SGCZ: variants seen among roughly 807,000 people sequenced by gnomAD.
SGCZ encodes sarcoglycan zeta, also known as zeta-sarcoglycan.
SGCZ carries 40 observed loss-of-function variants against 41.3 expected under a neutral mutation model. The ratio of observed to expected loss-of-function variants is 0.97; its 90% CI spans 0.75 to 1.26. The LOEUF (loss-of-function observed/expected upper bound fraction) is 1.26. SGCZ is among the 50% of genes most tolerant of loss of function. The probability of loss-of-function intolerance (pLI) is 0.00; values close to 1 mark genes in which losing one functional copy is unlikely to be tolerated. For synonymous variants in SGCZ, 206 were observed against 137.5 expected, an observed-to-expected ratio of 1.50 and a Z score of -3.49; for missense variants, 552 against 369.8, an observed-to-expected ratio of 1.49 and a Z score of -4.04.
chr8:14,201,946 T>G (rs111288946), intron 4 of SGCZ, among the ~76,000 whole-genome samples: 1 of 152,190 alleles, frequency 6.6e-6, no homozygotes, highest in African/African-American at 2.4e-5. Context: ...TGAAAATATA[T>G]GTAAGACTTA....
chr8:14,844,609 G>A (rs912467943), intron 1 of SGCZ, among the ~76,000 whole-genome samples: 8 of 152,150 alleles, frequency 5.3e-5, no homozygotes, highest in Non-Finnish European at 7.3e-5. Context: ...GTCCTAACAT[G>A]AGGAGATTTG....
intron 2 of SGCZ, among the ~76,000 whole-genome samples, chr8:14,434,133 T>C (rs1424475976): frequency 1.3e-5 from 2 of 152,226 alleles, no homozygotes; most frequent in African/African-American, 2.4e-5. Flanking sequence ...CCATCTTGAG[T>C]TGATTTTTGC....
intron 2 of SGCZ, among the ~76,000 whole-genome samples, chr8:14,431,358 C>A (rs1250020737): frequency 6.6e-6 from 1 of 152,110 alleles, no homozygotes. Flanking sequence ...ACCAAAGGAA[C>A]AGAATGGAGA....
At chr8:14,261,445 C>T (rs1300356605) in intron 3 of SGCZ, among the ~76,000 whole-genome samples, 2 of 152,158 alleles carry the variant, frequency 1.3e-5, no homozygotes, top group South Asian at 2.1e-4. Context: ...CCTTGCAGGT[C>T]GAGGTAATAT....
At chr8:14,946,003 CCCATAT>C (rs1417553787) in intron 1 of SGCZ, among the ~76,000 whole-genome samples, 2 of 51,722 alleles carry the variant, frequency 3.9e-5, no homozygotes, top group African/African-American at 1.7e-4. Flanking sequence ...ACTAAATGTC[CCCATAT>C]ATATATATAT....
At position 15,238,271 on chromosome 8, in the gene SGCZ, G is replaced by T. The variant is rs990910897; in HGVS notation, c.-648C>A. 2.6e-5 allele frequency: 4 copies of T among 152,204 alleles called. No homozygotes were observed. The highest frequency in any genetic ancestry group is 5.9e-5 in the Non-Finnish European group (4 of 68,054). 9.4% of individuals were successfully genotyped at this position (152,204 alleles called of 1,614,324 possible). On this transcript the variant is annotated 5_prime_UTR_variant, in exon 1 of 8. Coordinates refer to ENST00000382080, the MANE Select transcript of SGCZ (RefSeq NM_139167.4). ...CAGAAGGGAACGTTCTCCTTTGAAGGTTATGCTAAAAGAGTTGAGGGAATA... is the reference window on the plus strand; with the variant it reads ...CAGAAGGGAACGTTCTCCTTTGAAGTTTATGCTAAAAGAGTTGAGGGAATA...
At chr8:14,704,168 G>T (rs1183082522) in intron 1 of SGCZ, among the ~76,000 whole-genome samples, 1 of 151,946 alleles carries the variant, frequency 6.6e-6, no homozygotes. Flanking sequence ...CTAGTTCATG[G>T]TCGTACAGCT....
intron 7 of SGCZ, among the ~76,000 whole-genome samples, chr8:14,096,350 A>C (rs1377114989): frequency 6.6e-6 from 1 of 152,112 alleles, no homozygotes; most frequent in Non-Finnish European, 1.5e-5. Flanking sequence ...TCCTGCATCT[A>C]TTGAGATAAA....
intron 1 of SGCZ, among the ~76,000 whole-genome samples, chr8:14,773,925 A>G (rs969010804): frequency 6.6e-6 from 1 of 152,186 alleles, no homozygotes; most frequent in Non-Finnish European, 1.5e-5. Flanking sequence ...TTCACAGGCA[A>G]TTATTTTTTA....
intron 2 of SGCZ, among the ~76,000 whole-genome samples, chr8:14,464,270 T>C (rs1417366631): frequency 2.0e-5 from 3 of 151,558 alleles, no homozygotes; most frequent in Non-Finnish European, 4.4e-5. Flanking sequence ...CAGGAGATTT[T>C]TTTTTGGTTA....
intron 3 of SGCZ, among the ~76,000 whole-genome samples, chr8:14,276,172 A>G (rs930084460): frequency 2.8e-4 from 43 of 152,170 alleles, no homozygotes; most frequent in Non-Finnish European, 5.6e-4. Flanking sequence ...GTGGGCATTG[A>G]AAGTAGTAGA....
intron 5 of SGCZ, among the ~76,000 whole-genome samples, chr8:14,135,013 G>C (rs1388724920): frequency 6.6e-6 from 1 of 152,150 alleles, no homozygotes; most frequent in African/African-American, 2.4e-5. Flanking sequence ...TATCACGGCA[G>C]AATGGAGTAG....
intron 1 of SGCZ, among the ~76,000 whole-genome samples, chr8:15,115,256 G>A (rs1263878399): frequency 5.3e-5 from 8 of 152,074 alleles, no homozygotes; most frequent in Admixed American, 4.6e-4. Flanking sequence ...CATAGAAGAG[G>A]CACGTTTGTT....
intron 4 of SGCZ, among the ~76,000 whole-genome samples, chr8:14,205,366 G>A (rs755408113): frequency 2.0e-5 from 3 of 152,234 alleles, no homozygotes; most frequent in Middle Eastern, 6.8e-3. Flanking sequence ...CATTTTCCAA[G>A]CAATCTGCTA....
chr8:15,106,337 T>C (rs989659398), intron 1 of SGCZ, among the ~76,000 whole-genome samples: 1 of 152,072 alleles, frequency 6.6e-6, no homozygotes, highest in African/African-American at 2.4e-5. Flanking sequence ...ATTAACACTA[T>C]TGACATTATA....
intron 1 of SGCZ, among the ~76,000 whole-genome samples, chr8:14,944,760 A>G (rs1434272362): frequency 6.6e-6 from 1 of 152,144 alleles, no homozygotes; most frequent in Non-Finnish European, 1.5e-5. Flanking sequence ...TCCCTTTTCA[A>G]CTTAAGATGG....
At chr8:14,094,117 C>T (rs1053575982) in intron 7 of SGCZ, among the ~76,000 whole-genome samples, 6 of 151,938 alleles carry the variant, frequency 3.9e-5, no homozygotes, top group African/African-American at 1.4e-4. Context: ...CCCTGACGCC[C>T]CAAGATAGAA....
chr8:15,233,752 A>G (rs1202972196), intron 1 of SGCZ, among the ~76,000 whole-genome samples: 2 of 152,172 alleles, frequency 1.3e-5, no homozygotes, highest in African/African-American at 2.4e-5. Flanking sequence ...CAAAATAATT[A>G]AGAAAATATT....
chr8:14,846,818 C>T (rs1803129092), intron 1 of SGCZ, among the ~76,000 whole-genome samples: 1 of 151,692 alleles, frequency 6.6e-6, no homozygotes, highest in South Asian at 2.1e-4. Flanking sequence ...TCCTGTAATC[C>T]TAGCACTTTG....
Sources: gnomAD v4.1 joint callset for allele counts (sites outside exome capture counted in the v4.1 genomes callset) on GRCh38, gnomAD v4.1.1 for gene constraint, MANE v1.5 for transcripts, NCBI Gene and HGNC (gene_info 2026-07-23, HGNC 2026-07-21) for gene names.